Variants in ZNF91 observed in about 807,000 individuals in gnomAD.
ZNF91 encodes zinc finger protein 91 (HPF7, HTF10).
Under a neutral mutation model 12.6 loss-of-function variants are expected in ZNF91, and 7 were observed. The ratio of observed to expected loss-of-function variants is 0.55; its 90% CI spans 0.31 to 1.04. The LOEUF (loss-of-function observed/expected upper bound fraction) is 1.04, where lower values mean the gene tolerates loss of function less well. Ranked by LOEUF, ZNF91 falls within the 50% of genes least tolerant of loss-of-function variation. The pLI is 0.05. For synonymous variants in ZNF91, 453 were observed against 462.6 expected, an observed-to-expected ratio of 0.98 and a Z score of 0.27; for missense variants, 1,217 against 1,385.4, an observed-to-expected ratio of 0.88 and a Z score of 1.93.
Position 23,361,598 on chromosome 19 carries a change from G to A in ZNF91, c.1381C>T (p.Pro461Ser). 1 of 1,613,570 alleles carries A rather than the reference G, an allele frequency of 6.2e-7. No homozygotes were observed. ...TTGCCACATTCTTTACATTTGAAGG[G>A]TTTCTCTCTAGTATGAAATCTTTTA... ...KHKRFHTREK[P>S]FKCKECGKAF... The change falls in exon 4 of 4, where the codon CCC (proline) becomes TCC (serine). Residue 461 changes from proline (P) to serine (S), a missense_variant. Pro to Ser is a moderately conservative substitution (Grantham distance 74). This residue lies in a region of ZNF91 where 726 missense variants were observed against 895.5 expected (regional missense o/e 0.81). Coordinates refer to ENST00000300619, the MANE Select transcript of ZNF91 (RefSeq NM_003430.4).
intron 1 of ZNF91, among the ~76,000 whole-genome samples, chr19:23,329,579 G>A (rs1482586338): frequency 6.6e-6 from 1 of 152,176 alleles, no homozygotes; most frequent in East Asian, 1.9e-4. Flanking sequence ...CACTAGCTCT[G>A]TCAGTGCCAA....
At chr19:23,370,453 C>A (rs1288669756) in intron 3 of ZNF91, among the ~76,000 whole-genome samples, 1 of 152,122 alleles carries the variant, frequency 6.6e-6, no homozygotes, top group Non-Finnish European at 1.5e-5. Context: ...TGTAAAATTT[C>A]TAGAAGTCTT....
chr19:23,340,638 T>G (rs1968102565), intron 3 of ZNF91, among the ~76,000 whole-genome samples: 1 of 151,906 alleles, frequency 6.6e-6, no homozygotes, highest in South Asian at 2.1e-4. Flanking sequence ...TTACCAAAAA[T>G]TGAGGATAAT....
intron 3 of ZNF91, among the ~76,000 whole-genome samples, chr19:23,370,882 A>C (rs961921729): frequency 2.0e-5 from 3 of 152,228 alleles, no homozygotes; most frequent in Non-Finnish European, 4.4e-5. Flanking sequence ...TATTTTAGGA[A>C]AAAAGACAGA....
intron 1 of ZNF91, 89 bp from the exon 2 acceptor site, chr19:23,374,853 G>C (rs1969446025): frequency 6.4e-7 from 1 of 1,566,132 alleles, no homozygotes; most frequent in Non-Finnish European, 8.6e-7. Flanking sequence ...AAAGTGACTA[G>C]AACTGGTTCT....
chr19:23,327,554 A>G (rs975886123), intron 1 of ZNF91: 3 of 152,186 alleles, frequency 2.0e-5, no homozygotes, highest in Non-Finnish European at 4.4e-5. Flanking sequence ...ATACGTTACT[A>G]ACTTTAAATG....
At chr19:23,308,126 C>A (rs1362292558) in intron 2 of ZNF91, 2 of 151,930 alleles carry the variant, frequency 1.3e-5, no homozygotes, top group Admixed American at 6.6e-5. Context: ...TTTTTTTTGC[C>A]TGGGCCCTGC....
intron 3 of ZNF91, among the ~76,000 whole-genome samples, chr19:23,365,498 T>A (rs1968965143): frequency 6.6e-6 from 1 of 151,846 alleles, no homozygotes; most frequent in South Asian, 2.1e-4. Context: ...AAAAAAATAC[T>A]GGACAGTATC....
At chr19:23,322,530 T>C (rs111848049) in intron 1 of ZNF91, among the ~76,000 whole-genome samples, 21 of 152,260 alleles carry the variant, frequency 1.4e-4, no homozygotes, top group African/African-American at 5.1e-4. Context: ...AGCTCTGAAA[T>C]TGAGCTCTGA....
chr19:23,318,142 C>T (rs1005435974), intron 1 of ZNF91, among the ~76,000 whole-genome samples: 4 of 152,086 alleles, frequency 2.6e-5, no homozygotes, highest in Admixed American at 6.5e-5. Flanking sequence ...ATGAGTCTAC[C>T]CTTCTGTTTT....
chr19:23,319,499 A>G (rs1237761534), intron 1 of ZNF91, among the ~76,000 whole-genome samples: 3 of 152,218 alleles, frequency 2.0e-5, no homozygotes, highest in Non-Finnish European at 4.4e-5. Context: ...GTGTATTGTG[A>G]AATAACACTG....
chr19:23,364,780 C>A (rs1006206855), intron 3 of ZNF91, among the ~76,000 whole-genome samples: 3 of 151,922 alleles, frequency 2.0e-5, no homozygotes, highest in Non-Finnish European at 4.4e-5. Flanking sequence ...ACCCACACAA[C>A]AAATATACAA....
At chr19:23,373,218 T>C (rs939254382) in intron 3 of ZNF91, among the ~76,000 whole-genome samples, 4 of 151,938 alleles carry the variant, frequency 2.6e-5, no homozygotes, top group African/African-American at 7.2e-5. Flanking sequence ...TTGTTTCTTA[T>C]TGTCAATGCT....
chr19:23,392,467 A>G (rs766216879), intron 1 of ZNF91, among the ~76,000 whole-genome samples: 7 of 152,016 alleles, frequency 4.6e-5, no homozygotes, highest in Non-Finnish European at 8.8e-5. Flanking sequence ...GTTTCATCAC[A>G]TAAAATTTAG....
chr19:23,329,935 G>C (rs1397474902), intron 1 of ZNF91, among the ~76,000 whole-genome samples: 2 of 152,182 alleles, frequency 1.3e-5, no homozygotes. Flanking sequence ...TCTACCTTAA[G>C]ATTTCTGCTC....
chr19:23,330,293 T>C (rs1967906777), intron 1 of ZNF91, among the ~76,000 whole-genome samples: 1 of 150,960 alleles, frequency 6.6e-6, no homozygotes, highest in South Asian at 2.1e-4. Context: ...ATTGTGCCAC[T>C]GCACTCCAGC....
intron 1 of ZNF91, among the ~76,000 whole-genome samples, chr19:23,375,163 ATT>A (rs377328598): frequency 6.8e-6 from 1 of 146,122 alleles, no homozygotes. Context: ...ACCACTCAAA[ATT>A]TTTTTTTTTT....
chr19:23,308,938 C>T (rs1869781993), exon 2 of ZNF91: 1 of 151,862 alleles, frequency 6.6e-6, no homozygotes, highest in Non-Finnish European at 1.5e-5. Context: ...GTAATGGTGA[C>T]TCTCCTCTCC....
intron 1 of ZNF91, chr19:23,326,579 G>A (rs1266202018): frequency 6.6e-6 from 1 of 152,120 alleles, no homozygotes; most frequent in African/African-American, 2.4e-5. Flanking sequence ...CGCCTGCCTT[G>A]GCCTGGCAAA....
Sources: gnomAD v4.1 joint callset for allele counts (sites outside exome capture counted in the v4.1 genomes callset) on GRCh38, gnomAD v4.1.1 for gene constraint, gnomAD v4.1.1 regional missense constraint, MANE v1.5 for transcripts, NCBI Gene and HGNC (gene_info 2026-07-23, HGNC 2026-07-21) for gene names.